Variants in GRIK2 observed in about 807,000 individuals in gnomAD.
The protein encoded by GRIK2 is glutamate ionotropic receptor kainate type subunit 2.
A neutral mutation model predicts 100.3 loss-of-function variants in GRIK2; 32 were observed. The observed-to-expected ratio is 0.32, with a 90% confidence interval of 0.24 to 0.43. GRIK2 has a LOEUF of 0.43. Ranked by LOEUF, GRIK2 falls within the 20% of genes least tolerant of loss-of-function variation. The probability of loss-of-function intolerance (pLI) is 1.00; values close to 1 mark genes in which losing one functional copy is unlikely to be tolerated. For missense variants in GRIK2, 843 were observed against 1,114.9 expected, an observed-to-expected ratio of 0.76 and a Z score of 3.47; for synonymous variants, 417 against 389.4, an observed-to-expected ratio of 1.07 and a Z score of -0.83.
chr6:101,578,539 A>T (rs1777895023), intron 2 of GRIK2, among the ~76,000 whole-genome samples: 1 of 152,114 alleles, frequency 6.6e-6, no homozygotes, highest in South Asian at 2.1e-4. Context: ...AAGGAAATGG[A>T]TGTTAACTAT....
intron 2 of GRIK2, among the ~76,000 whole-genome samples, chr6:101,508,628 G>C (rs1774139525): frequency 6.6e-6 from 1 of 152,090 alleles, no homozygotes; most frequent in South Asian, 2.1e-4. Flanking sequence ...TGAAGTAACT[G>C]TTACATAGCT....
At chr6:101,530,423 A>G (rs1028065981) in intron 2 of GRIK2, among the ~76,000 whole-genome samples, 1 of 152,090 alleles carries the variant, frequency 6.6e-6, no homozygotes, top group Non-Finnish European at 1.5e-5. Context: ...AAACAGATAC[A>G]TTAGTGAAAA....
intron 4 of GRIK2, among the ~76,000 whole-genome samples, chr6:101,646,469 T>C (rs1429560250): frequency 1.3e-5 from 2 of 151,934 alleles, no homozygotes; most frequent in Non-Finnish European, 2.9e-5. Context: ...TATGAAAATA[T>C]GTATTATCTT....
intron 9 of GRIK2, among the ~76,000 whole-genome samples, chr6:101,817,407 GA>G: frequency 6.6e-6 from 1 of 152,108 alleles, no homozygotes; most frequent in Non-Finnish European, 1.5e-5. Flanking sequence ...TTTTCTTTGA[GA>G]AAAATAAGTT....
intron 2 of GRIK2, among the ~76,000 whole-genome samples, chr6:101,580,444 C>T (rs1778020282): frequency 6.6e-6 from 1 of 152,170 alleles, no homozygotes; most frequent in Non-Finnish European, 1.5e-5. Context: ...CAGAATCTGA[C>T]CATTTTTCAC....
At position 101,686,220 on chromosome 6, in the gene GRIK2, G is replaced by C. The variant is rs147162562; in HGVS notation, c.818G>C (p.Gly273Ala). 2 of 1,612,598 alleles carry C rather than the reference G, an allele frequency of 1.2e-6. No homozygotes were observed. Among genetic ancestry groups the C allele is most frequent in the Admixed American group, 3.3e-5 (2 of 59,966 alleles). Reference sequence around the variant, plus strand: ...GATGTTGAGCCCTACCGATACAGTGGTGTTAACATGACAGGGTTCAGAATA... The same window carrying C: ...GATGTTGAGCCCTACCGATACAGTGCTGTTAACATGACAGGGTTCAGAATA... ...ALDVEPYRYS[G>A]VNMTGFRILN... Residue 273 changes from glycine (G) to alanine (A), a missense_variant, in exon 7 of 17, where the codon GGT becomes GCT. Physicochemically the swap from Gly to Ala is moderately conservative, Grantham distance 60 (BLOSUM62 0). This residue lies in a region of GRIK2 where 519 missense variants were observed against 643.8 expected (regional missense o/e 0.81). Coordinates refer to ENST00000369134, the MANE Select transcript of GRIK2 (RefSeq NM_021956.5).
intron 10 of GRIK2, among the ~76,000 whole-genome samples, chr6:101,857,666 A>G (rs1784498112): frequency 6.6e-6 from 1 of 152,234 alleles, no homozygotes; most frequent in African/African-American, 2.4e-5. Context: ...CTTTGCCCAT[A>G]AGCAAATAGT....
At chr6:101,503,717 T>C (rs990390257) in intron 2 of GRIK2, among the ~76,000 whole-genome samples, 6 of 152,208 alleles carry the variant, frequency 3.9e-5, no homozygotes, top group Admixed American at 3.9e-4. Flanking sequence ...TCTCTTTCTA[T>C]GGCTTGAACA....
intron 7 of GRIK2, among the ~76,000 whole-genome samples, chr6:101,798,862 TA>T (rs1194827149): frequency 6.6e-6 from 1 of 152,168 alleles, no homozygotes; most frequent in Non-Finnish European, 1.5e-5. Flanking sequence ...ATAAACATTT[TA>T]TTTTTTTATC....
At chr6:101,397,282 G>A (rs1300429291) in intron 1 of GRIK2, among the ~76,000 whole-genome samples, 3 of 152,030 alleles carry the variant, frequency 2.0e-5, no homozygotes. Flanking sequence ...ATCTCTGCTA[G>A]GATCAAAAAG....
chr6:101,859,956 T>A (rs1397291649), intron 11 of GRIK2, among the ~76,000 whole-genome samples: 1 of 151,804 alleles, frequency 6.6e-6, no homozygotes, highest in African/African-American at 2.4e-5. Flanking sequence ...GAATCAGGCC[T>A]TTTTTTAGAA....
intron 10 of GRIK2, among the ~76,000 whole-genome samples, chr6:101,839,843 T>C (rs1390669885): frequency 6.6e-6 from 1 of 152,100 alleles, no homozygotes; most frequent in Non-Finnish European, 1.5e-5. Context: ...GGGATTGAGG[T>C]AAAAAAGCAG....
intron 7 of GRIK2, among the ~76,000 whole-genome samples, chr6:101,694,955 T>C (rs1405346580): frequency 6.7e-6 from 1 of 150,000 alleles, no homozygotes; most frequent in Non-Finnish European, 1.5e-5. Context: ...CTTACATTTA[T>C]ATATGATTTT....
chr6:101,668,343 C>T (rs539216787), intron 4 of GRIK2, among the ~76,000 whole-genome samples: 2 of 152,280 alleles, frequency 1.3e-5, no homozygotes, highest in South Asian at 4.1e-4. Context: ...GATTTTGTTT[C>T]AGTGCCAATC....
chr6:101,579,346 T>A (rs1777942435), intron 2 of GRIK2, among the ~76,000 whole-genome samples: 1 of 152,170 alleles, frequency 6.6e-6, no homozygotes, highest in Non-Finnish European at 1.5e-5. Context: ...CCATCTCTAG[T>A]CAGGAAGATT....
At chr6:101,838,020 C>T (rs1446696943) in intron 10 of GRIK2, among the ~76,000 whole-genome samples, 1 of 151,890 alleles carries the variant, frequency 6.6e-6, no homozygotes, top group Non-Finnish European at 1.5e-5. Context: ...TCATAAGACT[C>T]TCATCTGAGA....
At chr6:101,432,484 A>C (rs1354600829) in intron 2 of GRIK2, among the ~76,000 whole-genome samples, 1 of 152,206 alleles carries the variant, frequency 6.6e-6, no homozygotes, top group Non-Finnish European at 1.5e-5. Context: ...CAATCCACTA[A>C]GTAAACATTT....
intron 2 of GRIK2, among the ~76,000 whole-genome samples, chr6:101,417,662 G>A (rs557906711): frequency 9.8e-4 from 149 of 152,272 alleles, no homozygotes; most frequent in African/African-American, 3.1e-3. Context: ...AAATATTGCC[G>A]TATGTTAGCC....
chr6:101,539,401 G>A (rs1481960023), intron 2 of GRIK2, among the ~76,000 whole-genome samples: 2 of 151,718 alleles, frequency 1.3e-5, no homozygotes, highest in African/African-American at 2.4e-5. Context: ...TGGAAGAAAG[G>A]AAGTAATCTG....
Sources: gnomAD v4.1 joint callset for allele counts (sites outside exome capture counted in the v4.1 genomes callset) on GRCh38, gnomAD v4.1.1 for gene constraint, gnomAD v4.1.1 regional missense constraint, MANE v1.5 for transcripts, NCBI Gene and HGNC (gene_info 2026-07-23, HGNC 2026-07-21) for gene names.